Variants in WARS1 observed in about 807,000 individuals in gnomAD.
WARS1 encodes tryptophanyl-tRNA synthetase 1.
A neutral mutation model predicts 47.8 loss-of-function variants in WARS1; 17 were observed. That is an observed-to-expected ratio of 0.36 (90% CI 0.24 to 0.53). The LOEUF (loss-of-function observed/expected upper bound fraction) is 0.53. Among genes scored for constraint, WARS1 ranks in the 20% least tolerant of loss-of-function variants. The probability of loss-of-function intolerance (pLI) is 0.91; values close to 1 mark genes in which losing one functional copy is unlikely to be tolerated. For synonymous variants in WARS1, 208 were observed against 228.1 expected (o/e 0.91, Z 0.79); for missense variants, 434 against 608.0 (o/e 0.71, Z 3.01).
intron 2 of WARS1, chr14:100,366,782 T>C (rs896556749): frequency 5.1e-5 from 59 of 1,162,616 alleles, no homozygotes; most frequent in Non-Finnish European, 7.0e-5. Flanking sequence ...AGCTTGAAGA[T>C]ACATGGGTGG....
In WARS1 at chr14:100,373,212, C is replaced by T. The variant is rs994684775; in HGVS notation, c.-74+2071G>A. On this transcript the variant is annotated intron_variant, in intron 1 of 10. Transcript: ENST00000392882. This position sits in a 1 kb window ranked among gnomAD's most constrained non-coding sequence, Gnocchi z 4.4. ...TAGTCATCTAGTTCAACTTTTTCCT[C>T]TAAGGTTTATCCTTAGAATGTCTTT... Among the ~76,000 whole-genome samples the T allele has an allele frequency of 5.3e-5, 8 of 152,214 alleles. No individual in the cohort carries two copies. Among genetic ancestry groups the T allele is most frequent in the Non-Finnish European group, 1.0e-4 (7 of 68,040 alleles).
At chr14:100,344,340 C>T (rs1338970010) in intron 7 of WARS1, among the ~76,000 whole-genome samples, 1 of 152,212 alleles carries the variant, frequency 6.6e-6, no homozygotes, top group African/African-American at 2.4e-5. Flanking sequence ...CAGCCTCGGC[C>T]TCCTGAGGTG....
chr14:100,339,349 T>C (rs923770265), intron 9 of WARS1, among the ~76,000 whole-genome samples: 3 of 152,072 alleles, frequency 2.0e-5, no homozygotes, highest in Non-Finnish European at 2.9e-5. Flanking sequence ...CCCAGCACTT[T>C]GGGAGGCCAA....
At chr14:100,360,502 T>C in intron 4 of WARS1, 52 bp downstream of exon 4, 1 of 1,439,300 alleles carries the variant, frequency 6.9e-7, no homozygotes, top group Non-Finnish European at 9.6e-7. Context: ...ACGATTTTTT[T>C]GAACTAAAAG....
At chr14:100,346,977 G>A (rs924198622) in intron 6 of WARS1, 131 bp from the exon 7 acceptor site, 13 of 750,088 alleles carry the variant, frequency 1.7e-5, no homozygotes, top group Non-Finnish European at 2.5e-5. Context: ...TGGTCAACAC[G>A]TAAGCACTGG....
intron 7 of WARS1, among the ~76,000 whole-genome samples, chr14:100,346,315 A>G (rs1364674009): frequency 6.6e-6 from 1 of 152,138 alleles, no homozygotes; most frequent in Non-Finnish European, 1.5e-5. Context: ...ATGTGGGGAC[A>G]CTGAGGCCCA....
intron 1 of WARS1, among the ~76,000 whole-genome samples, chr14:100,372,523 C>T (rs940463582): frequency 2.0e-5 from 3 of 152,114 alleles, no homozygotes; most frequent in Admixed American, 6.5e-5. Flanking sequence ...GGAGGAATGC[C>T]GGAGTACCCT....
intron 2 of WARS1, chr14:100,366,768 A>T: frequency 9.6e-7 from 1 of 1,043,828 alleles, no homozygotes; most frequent in South Asian, 1.3e-5. Context: ...TGGGGCCACA[A>T]TGAAGCTTGA....
intron 9 of WARS1, among the ~76,000 whole-genome samples, chr14:100,341,413 T>C (rs750526560): frequency 5.3e-5 from 8 of 152,180 alleles, no homozygotes; most frequent in Non-Finnish European, 8.8e-5. Flanking sequence ...GAAGTTTTGA[T>C]ATGAAAGGCT....
At chr14:100,359,796 T>A (rs1352504657) in intron 4 of WARS1, among the ~76,000 whole-genome samples, 1 of 152,196 alleles carries the variant, frequency 6.6e-6, no homozygotes, top group Non-Finnish European at 1.5e-5. Flanking sequence ...AGTATGTGAA[T>A]TAAGGAAAAT....
chr14:100,335,109 C>T, intron 10 of WARS1, 73 bp from the exon 11 acceptor site: 1 of 1,497,664 alleles, frequency 6.7e-7, no homozygotes, highest in East Asian at 2.3e-5. Context: ...CCTCGGGCAC[C>T]AGCTCAGCCC....
chr14:100,354,945 T>A (rs1037830501), intron 4 of WARS1, among the ~76,000 whole-genome samples: 1 of 152,156 alleles, frequency 6.6e-6, no homozygotes, highest in Non-Finnish European at 1.5e-5. Flanking sequence ...CCCCGAGGAC[T>A]CTCAGACCAA....
chr14:100,338,448 G>C (rs7154999), intron 9 of WARS1, among the ~76,000 whole-genome samples: 55,823 of 151,816 alleles, frequency 0.37, 12,733 homozygotes, highest in South Asian at 0.67. Context: ...GGTATTTTTT[G>C]TAGAGACCAG....
intron 6 of WARS1, among the ~76,000 whole-genome samples, chr14:100,351,873 G>A (rs1003544502): frequency 6.6e-6 from 1 of 151,730 alleles, no homozygotes. Flanking sequence ...GGCACCTGTA[G>A]TCCCAGCTAC....
Position 100,366,915 on chromosome 14 carries a change from A to G in WARS1, c.99+2172T>C, listed in dbSNP as rs1896034212. On this transcript the variant is annotated intron_variant, in intron 2 of 10. Transcript: ENST00000392882. The stretch of plus-strand genomic sequence containing the variant: ...GAGTCCCTGAATAAAGATAAGAAGC[A>G]TCACTGAAGATAATACCTGGAAGTA... 3 of 1,607,032 alleles carry G rather than the reference A, an allele frequency of 1.9e-6. No homozygotes were observed. In the Admixed American group the frequency reaches 5.0e-5, roughly 27 times the overall value.
upstream of WARS1, chr14:100,376,234 G>A (rs1260069068): frequency 2.4e-5 from 10 of 412,342 alleles, no homozygotes; most frequent in Admixed American, 4.4e-4. Context: ...TCCTCACTCC[G>A]CCCCGGCCTT....
intron 10 of WARS1, 109 bp downstream of exon 10, chr14:100,336,953 T>A (rs78220381): frequency 4.1e-6 from 6 of 1,454,272 alleles, no homozygotes; most frequent in Non-Finnish European, 3.7e-6. Context: ...TTGTTTCAGT[T>A]GAGCACCTCC....
intron 2 of WARS1, chr14:100,366,824 T>G: frequency 6.6e-7 from 1 of 1,520,516 alleles, no homozygotes; most frequent in African/African-American, 1.4e-5. Flanking sequence ...TTTTGATGTA[T>G]TGTTTAAAGG....
chr14:100,345,654 TC>T (rs1338602499), intron 7 of WARS1, among the ~76,000 whole-genome samples: 1 of 74,372 alleles, frequency 1.3e-5, no homozygotes, highest in Non-Finnish European at 3.3e-5. Context: ...CCAAGAATGA[TC>T]AATAAAAATA....
Sources: gnomAD v4.1 joint callset for allele counts (sites outside exome capture counted in the v4.1 genomes callset) on GRCh38, gnomAD v4.1.1 for gene constraint, Gnocchi (gnomAD v3.1) non-coding constraint, MANE v1.5 for transcripts, NCBI Gene and HGNC (gene_info 2026-07-23, HGNC 2026-07-21) for gene names.